The following EYS variants were observed in gnomAD, a reference collection of about 807,000 sequenced individuals.
EYS encodes the protein protein eyes shut homolog.
In EYS, 250 loss-of-function variants were observed where a neutral mutation model predicts 282.1. That is an observed-to-expected ratio of 0.89 (90% confidence interval 0.80 to 0.98). The LOEUF (loss-of-function observed/expected upper bound fraction) is 0.98. Ranked by LOEUF, EYS falls within the 50% of genes least tolerant of loss-of-function variation. EYS has a pLI of 0.00. For synonymous variants in EYS, 1,355 were observed against 1,282.9 expected (o/e 1.06, Z -1.20); for missense variants, 4,016 against 3,709.0 (o/e 1.08, Z -2.15).
intron 28 of EYS, among the ~76,000 whole-genome samples, chr6:64,405,764 CT>C (rs1446202524): frequency 6.6e-6 from 1 of 152,076 alleles, no homozygotes; most frequent in African/African-American, 2.4e-5. Flanking sequence ...AGGATTCAAA[CT>C]TACAAGGATG....
chr6:65,356,900 GAC>G (rs1198885245), intron 8 of EYS, among the ~76,000 whole-genome samples: 1 of 151,874 alleles, frequency 6.6e-6, no homozygotes, highest in African/African-American at 2.4e-5. Context: ...TGAGGATGCT[GAC>G]ACACACACAC....
chr6:65,052,167 A>C (rs936255323), intron 13 of EYS, among the ~76,000 whole-genome samples: 4 of 151,540 alleles, frequency 2.6e-5, no homozygotes, highest in Non-Finnish European at 5.9e-5. Flanking sequence ...TAACTATGTG[A>C]AAAAATAGCA....
rs567436180 is a variant in EYS at position 64,677,722 on chromosome 6, T to C, written c.3444-51477A>G. Among the ~76,000 whole-genome samples the C allele has an allele frequency of 3.3e-5, 5 of 152,218 alleles. No individual in the cohort carries two copies. The East Asian group carries it at 9.6e-4, about 29-fold the overall frequency. ...CTGAGGGTTCTGTAAAAATCAACTA[T>C]TTAGTTATAAATTTTAAAAAAATGT... is the stretch of plus-strand genomic sequence containing the variant. On this transcript the variant is annotated intron_variant, in intron 22 of 42. Coordinates refer to ENST00000503581, the MANE Select transcript of EYS (RefSeq NM_001142800.2).
intron 12 of EYS, among the ~76,000 whole-genome samples, chr6:65,261,013 A>T (rs766542923): frequency 2.6e-5 from 4 of 152,056 alleles, no homozygotes; most frequent in Non-Finnish European, 4.4e-5. Context: ...GTTACTAAGT[A>T]CTATCATCAT....
intron 12 of EYS, among the ~76,000 whole-genome samples, chr6:65,255,322 AT>A (rs1347403572): frequency 6.6e-6 from 1 of 152,022 alleles, no homozygotes; most frequent in Non-Finnish European, 1.5e-5. Context: ...TTGGACATCC[AT>A]TTTCAGAAGA....
intron 36 of EYS, among the ~76,000 whole-genome samples, chr6:63,844,154 C>A (rs891973902): frequency 6.6e-6 from 1 of 152,156 alleles, no homozygotes; most frequent in Non-Finnish European, 1.5e-5. Context: ...TGGCTTCCAA[C>A]TCCATCCACG....
At position 65,488,515 on chromosome 6, in the gene EYS, T is replaced by C. The variant is rs144883869; in HGVS notation, c.862+2079A>G. Among the ~76,000 whole-genome samples, 971 of 152,288 alleles carry C rather than the reference T, an allele frequency of 6.4e-3. 8 individuals are homozygous for C. Among genetic ancestry groups the C allele is most frequent in the African/African-American group, 0.021 (860 of 41,560 alleles). On this transcript the variant is annotated intron_variant, in intron 5 of 42. Transcript: ENST00000503581. ...TGGAAAAACATTCCATGTTCATGGA[T>C]AGGAAGAATCAATATCTTGAAAATG...
intron 12 of EYS, among the ~76,000 whole-genome samples, chr6:65,150,431 C>T (rs1239321611): frequency 6.6e-6 from 1 of 151,948 alleles, no homozygotes; most frequent in Non-Finnish European, 1.5e-5. Flanking sequence ...ATTACATCCA[C>T]ACTAATAAGA....
At chr6:63,953,823 G>C (rs1765699900) in intron 35 of EYS, among the ~76,000 whole-genome samples, 1 of 152,256 alleles carries the variant, frequency 6.6e-6, no homozygotes, top group Middle Eastern at 3.4e-3. Context: ...TTACACAAGA[G>C]CTGGGACCAT....
intron 2 of EYS, among the ~76,000 whole-genome samples, chr6:65,639,417 C>A (rs564547080): frequency 4.6e-5 from 7 of 152,078 alleles, no homozygotes; most frequent in African/African-American, 1.7e-4. Flanking sequence ...TTATTCAATC[C>A]TTTCATCTTG....
chr6:64,279,052 G>T (rs1768213458), intron 30 of EYS, among the ~76,000 whole-genome samples: 1 of 152,052 alleles, frequency 6.6e-6, no homozygotes, highest in Non-Finnish European at 1.5e-5. Context: ...AAAACATGCT[G>T]CCATCTTCCA....
At chr6:64,249,063 C>G (rs1375107297) in intron 30 of EYS, among the ~76,000 whole-genome samples, 1 of 70,060 alleles carries the variant, frequency 1.4e-5, no homozygotes. Flanking sequence ...CACCCTGTCT[C>G]AAAAAAAAAA....
At chr6:64,256,517 T>C (rs1767406384) in intron 30 of EYS, among the ~76,000 whole-genome samples, 2 of 152,044 alleles carry the variant, frequency 1.3e-5, no homozygotes, top group Non-Finnish European at 2.9e-5. Context: ...GCTACTATTG[T>C]CTTTCAACAC....
intron 12 of EYS, among the ~76,000 whole-genome samples, chr6:65,237,457 TA>T (rs1406480380): frequency 1.3e-5 from 2 of 152,182 alleles, no homozygotes; most frequent in Non-Finnish European, 2.9e-5. Context: ...CTCAGATATC[TA>T]AAAGGAGAGG....
intron 33 of EYS, among the ~76,000 whole-genome samples, chr6:64,053,666 A>T (rs1333327836): frequency 6.6e-6 from 1 of 152,194 alleles, no homozygotes; most frequent in Non-Finnish European, 1.5e-5. Context: ...GTGAAGACCA[A>T]GAAGTATGCT....
chr6:64,678,209 A>C (rs184110035), intron 22 of EYS, among the ~76,000 whole-genome samples: 1 of 152,182 alleles, frequency 6.6e-6, no homozygotes, highest in Admixed American at 6.5e-5. Context: ...TGTCCTCAAA[A>C]TATATTGTAC....
rs537107332 is a variant in EYS at position 64,968,402 on chromosome 6, T to C, written c.2260-22488A>G. ...TGCTGATCAAATAAATGTGTTATTC[T>C]TTCAAAATATATTTATATGAGTTTC... On this transcript the variant is annotated intron_variant, in intron 14 of 42. Transcript: ENST00000503581. 3.9e-5 allele frequency among the ~76,000 whole-genome samples: 6 copies of C among 152,308 alleles called. No individual in the cohort carries two copies. In the South Asian group the frequency reaches 1.2e-3, roughly 32 times the overall value.
intron 26 of EYS, among the ~76,000 whole-genome samples, chr6:64,472,641 A>T (rs891152016): frequency 1.1e-4 from 16 of 152,188 alleles, no homozygotes; most frequent in Admixed American, 2.0e-4. Context: ...TAGAAAAACG[A>T]TGTATTACCT....
At chr6:65,564,252 CAA>C (rs1297360842) in intron 2 of EYS, among the ~76,000 whole-genome samples, 2 of 151,996 alleles carry the variant, frequency 1.3e-5, no homozygotes, top group African/African-American at 4.8e-5. Flanking sequence ...TGACTTTCTT[CAA>C]AGAGTTAGAA....
Sources: gnomAD v4.1 joint callset for allele counts (sites outside exome capture counted in the v4.1 genomes callset) on GRCh38, gnomAD v4.1.1 for gene constraint, MANE v1.5 for transcripts, NCBI Gene and HGNC (gene_info 2026-07-23, HGNC 2026-07-21) for gene names.